Variants in SLC17A3 observed in about 807,000 individuals in gnomAD.
SLC17A3 encodes the protein solute carrier family 17 member 3.
Under a neutral mutation model 60.3 loss-of-function variants are expected in SLC17A3, and 61 were observed. That is an observed-to-expected ratio of 1.01 (90% CI 0.82 to 1.25). The LOEUF is 1.25. Ranked by LOEUF, SLC17A3 falls within the 50% of genes most tolerant of loss-of-function variation. The pLI is 0.00. For synonymous variants in SLC17A3, 192 were observed against 208.9 expected, an observed-to-expected ratio of 0.92 and a Z score of 0.70; for missense variants, 624 against 594.9, an observed-to-expected ratio of 1.05 and a Z score of -0.51.
chr6:25,846,898 A>G (rs1209944802), intron 11 of SLC17A3, among the ~76,000 whole-genome samples: 11 of 152,140 alleles, frequency 7.2e-5, no homozygotes, highest in Admixed American at 6.6e-4. Flanking sequence ...GTGTGAGCCC[A>G]CCGCACCTGG....
Position 25,845,299 on chromosome 6 carries a change from C to T in SLC17A3, c.*3-1G>A. ...GACTTTTCCATCCAAGGTGGGATAA[C>T]TAAGAAAGGAAAATGATATAGAATT... On this transcript the variant is annotated splice_acceptor_variant, in intron 12 of 12. Coordinates refer to ENST00000397060, the MANE Select transcript of SLC17A3 (RefSeq NM_001098486.2). LOFTEE classifies it low-confidence loss of function (3UTR_SPLICE). 1 of 1,550,678 alleles carries T rather than the reference C, an allele frequency of 6.4e-7. No individual in the cohort carries two copies. The highest frequency in any genetic ancestry group is 1.1e-5 in the South Asian group (1 of 89,276).
intron 5 of SLC17A3, among the ~76,000 whole-genome samples, chr6:25,858,917 A>G (rs983436577): frequency 2.0e-5 from 3 of 152,126 alleles, no homozygotes; most frequent in African/African-American, 7.2e-5. Context: ...GTTCATATCT[A>G]AAGTGTATTT....
chr6:25,857,503 A>G (rs1269861057), intron 5 of SLC17A3, among the ~76,000 whole-genome samples: 1 of 150,970 alleles, frequency 6.6e-6, no homozygotes, highest in Admixed American at 6.6e-5. Context: ...CTCCTCTATA[A>G]TGACCTCTAC....
intron 2 of SLC17A3, among the ~76,000 whole-genome samples, chr6:25,866,161 T>C (rs1167211999): frequency 2.0e-5 from 3 of 151,982 alleles, no homozygotes; most frequent in African/African-American, 4.8e-5. Context: ...ACCCCCATGA[T>C]TACATTATGT....
intron 2 of SLC17A3, among the ~76,000 whole-genome samples, chr6:25,867,636 A>G (rs1765558230): frequency 1.3e-5 from 2 of 152,094 alleles, no homozygotes; most frequent in East Asian, 3.9e-4. Flanking sequence ...TAACAAAAGA[A>G]AACCCTACAA....
intron 11 of SLC17A3, 66 bp downstream of exon 11, chr6:25,849,308 G>A (rs1765229338): frequency 1.1e-6 from 1 of 906,102 alleles, no homozygotes; most frequent in Non-Finnish European, 1.8e-6. Flanking sequence ...TTGAATACAT[G>A]CTATCACCTT....
intron 5 of SLC17A3, among the ~76,000 whole-genome samples, chr6:25,856,262 GCT>G (rs1765355000): frequency 6.6e-6 from 1 of 151,798 alleles, no homozygotes; most frequent in African/African-American, 2.4e-5. Context: ...ACAGAGTCTT[GCT>G]CTGTCACTCA....
intron 2 of SLC17A3, among the ~76,000 whole-genome samples, chr6:25,863,914 C>A (rs1313878114): frequency 6.6e-6 from 1 of 152,036 alleles, no homozygotes; most frequent in African/African-American, 2.4e-5. Flanking sequence ...ACATAGCACA[C>A]AAATAGCCCT....
intron 5 of SLC17A3, among the ~76,000 whole-genome samples, chr6:25,860,848 C>T (rs1261043661): frequency 6.6e-6 from 1 of 151,980 alleles, no homozygotes; most frequent in Non-Finnish European, 1.5e-5. Flanking sequence ...TGAGATAATC[C>T]CTCAGTGTGA....
chr6:25,846,342 T>G (rs1002955504), intron 11 of SLC17A3, among the ~76,000 whole-genome samples: 3 of 152,144 alleles, frequency 2.0e-5, no homozygotes, highest in African/African-American at 2.4e-5. Flanking sequence ...TCCATAAAAG[T>G]ACAATAGATA....
chr6:25,856,719 C>T (rs1765362146), intron 5 of SLC17A3, among the ~76,000 whole-genome samples: 1 of 151,860 alleles, frequency 6.6e-6, no homozygotes, highest in African/African-American at 2.4e-5. Flanking sequence ...TTCTCAGGGG[C>T]ACCTGTAATA....
intron 6 of SLC17A3, among the ~76,000 whole-genome samples, chr6:25,851,610 T>G (rs964420956): frequency 6.6e-6 from 1 of 152,148 alleles, no homozygotes; most frequent in Non-Finnish European, 1.5e-5. Flanking sequence ...TTTTTTTGCA[T>G]GTGGATATCC....
intron 1 of SLC17A3, among the ~76,000 whole-genome samples, chr6:25,870,356 T>C (rs1458622223): frequency 1.3e-5 from 2 of 152,028 alleles, no homozygotes; most frequent in African/African-American, 4.8e-5. Flanking sequence ...ATGGCAATGC[T>C]AAACAAGAAT....
At chr6:25,846,032 A>G (rs1429700248) in intron 11 of SLC17A3, among the ~76,000 whole-genome samples, 1 of 152,188 alleles carries the variant, frequency 6.6e-6, no homozygotes, top group East Asian at 1.9e-4. Flanking sequence ...AGCATATGAA[A>G]TACCTATGCA....
Position 25,849,395 on chromosome 6 carries a change from G to A in SLC17A3, c.1341C>T (p.Val447=), listed in dbSNP as rs747423801. ...SSIAPVIVPT[V]SGFLLSQDPE... is the part of the protein sequence containing the mutation. ...GTACCTGACTAAGAAGAAATCCACT[G>A]ACAGTGGGTACAATGACAGGTGCTA... Residue 447 remains valine, a synonymous_variant, in exon 11 of 13, where the codon GTC becomes GTT. Transcript: ENST00000397060. 3.7e-6 allele frequency: 6 copies of A among 1,609,936 alleles called. No individual in the cohort carries two copies. In the South Asian group the frequency reaches 6.6e-5, roughly 18 times the overall value.
intron 2 of SLC17A3, among the ~76,000 whole-genome samples, chr6:25,867,303 T>C (rs1765552592): frequency 6.6e-6 from 1 of 151,954 alleles, no homozygotes; most frequent in Non-Finnish European, 1.5e-5. Flanking sequence ...TAATCTATTC[T>C]CAATACAGCA....
intron 11 of SLC17A3, among the ~76,000 whole-genome samples, chr6:25,848,795 A>C (rs1264561663): frequency 6.6e-6 from 1 of 152,192 alleles, no homozygotes; most frequent in African/African-American, 2.4e-5. Context: ...AAACAGCAGA[A>C]TAAACAGACA....
intron 11 of SLC17A3, among the ~76,000 whole-genome samples, chr6:25,846,572 A>G (rs2151517705): frequency 6.6e-6 from 1 of 152,342 alleles, no homozygotes; most frequent in Non-Finnish European, 1.5e-5. Flanking sequence ...AATGGAAAGG[A>G]GCACAAAAGA....
intron 2 of SLC17A3, 41 bp downstream of exon 2, chr6:25,868,256 A>G (rs1259940983): frequency 1.5e-6 from 2 of 1,377,240 alleles, no homozygotes; most frequent in African/African-American, 2.8e-5. Context: ...AAAAGAATTC[A>G]CTGTAAAATC....
Sources: allele counts gnomAD v4.1 joint callset (sites outside exome capture counted in the v4.1 genomes callset), GRCh38; gene constraint gnomAD v4.1.1; transcripts MANE v1.5; gene names NCBI Gene and HGNC (gene_info 2026-07-23, HGNC 2026-07-21).